DPP6: variants seen among roughly 807,000 people sequenced by gnomAD.
DPP6 encodes the protein dipeptidyl peptidase like 6.
A neutral mutation model predicts 122.6 loss-of-function variants in DPP6; 69 were observed. The ratio of observed to expected loss-of-function variants is 0.56; its 90% CI spans 0.46 to 0.69. The LOEUF is 0.69. DPP6 is among the 30% of genes least tolerant of loss of function. The pLI, the probability that DPP6 is intolerant of heterozygous loss-of-function variation, is 0.00. For synonymous variants in DPP6, 418 were observed against 433.1 expected, an observed-to-expected ratio of 0.97 and a Z score of 0.43; for missense variants, 928 against 1,116.9, an observed-to-expected ratio of 0.83 and a Z score of 2.41.
intron 1 of DPP6, among the ~76,000 whole-genome samples, chr7:154,222,938 A>T (rs1345554093): frequency 6.7e-6 from 1 of 148,880 alleles, no homozygotes; most frequent in Non-Finnish European, 1.5e-5. Flanking sequence ...GGTGTTCTTC[A>T]TGTAGGACCC....
chr7:153,874,834 C>G, the DPP6 span, among the ~76,000 whole-genome samples: 2 of 152,128 alleles, frequency 1.3e-5, no homozygotes, highest in African/African-American at 4.8e-5. Context: ...CAAAAAAATT[C>G]AATATCTGGT....
At chr7:154,667,903 A>C (rs950202429) in intron 6 of DPP6, among the ~76,000 whole-genome samples, 3 of 151,786 alleles carry the variant, frequency 2.0e-5, no homozygotes, top group Non-Finnish European at 4.4e-5. Context: ...GGCTTCTCCA[A>C]ACCCAGACAC....
chr7:154,495,402 TG>T lies in DPP6; in HGVS notation c.457+20366del, dbSNP rs796872679. On this transcript the variant is annotated intron_variant, in intron 3 of 25. Coordinates refer to ENST00000377770, the MANE Select transcript of DPP6 (RefSeq NM_130797.4). ...GGGTTTGTTGTGGTTTTTTTTTTTT[TG>T]TTGTTGTTGTTGTTTGAGACAGAGT... Among the ~76,000 whole-genome samples, 134 of 143,576 alleles carry T rather than the reference TG, an allele frequency of 9.3e-4. 1 individual carries two copies. The highest frequency in any genetic ancestry group is 2.9e-3 in the South Asian group (13 of 4,430). The allele number at this position is 143,576 out of a possible 152,430, so 94.2% of individuals were successfully genotyped here.
At chr7:154,769,592 C>A in intron 9 of DPP6, 21 bp downstream of exon 9, 1 of 1,559,762 alleles carries the variant, frequency 6.4e-7, no homozygotes, top group Non-Finnish European at 8.7e-7. Context: ...GGACACCGCA[C>A]AGCAAATTCT....
chr7:154,279,936 C>A (rs1804394775), intron 1 of DPP6, among the ~76,000 whole-genome samples: 1 of 152,132 alleles, frequency 6.6e-6, no homozygotes, highest in South Asian at 2.1e-4. Context: ...AAGGATATTA[C>A]ACCATAGTTT....
intron 6 of DPP6, among the ~76,000 whole-genome samples, chr7:154,664,936 A>G (rs1838053987): frequency 6.6e-6 from 1 of 152,178 alleles, no homozygotes; most frequent in South Asian, 2.1e-4. Flanking sequence ...TGGGTGCCAT[A>G]TTGTTAACTC....
the DPP6 span, among the ~76,000 whole-genome samples, chr7:153,824,700 T>TAAAAAA: frequency 7.4e-4 from 106 of 142,736 alleles, no homozygotes; most frequent in African/African-American, 2.5e-3. Context: ...AACATAAAAA[T>TAAAAAA]AAAAAAAAAA....
chr7:154,232,732 C>G (rs568924873), intron 1 of DPP6, among the ~76,000 whole-genome samples: 1 of 152,320 alleles, frequency 6.6e-6, no homozygotes, highest in South Asian at 2.1e-4. Context: ...ACCTGCGGAG[C>G]TCACATCAGG....
intron 20 of DPP6, 87 bp from the exon 21 acceptor site, chr7:154,880,801 G>A: frequency 6.2e-7 from 1 of 1,609,282 alleles, no homozygotes; most frequent in Non-Finnish European, 8.5e-7. Flanking sequence ...TCCTTGAAAT[G>A]GATGGAAAAC....
chr7:154,001,383 A>G (rs1797679765), intron 1 of DPP6, among the ~76,000 whole-genome samples: 3 of 146,896 alleles, frequency 2.0e-5, no homozygotes, highest in African/African-American at 7.6e-5. Context: ...TGTGGAGAGG[A>G]TAGGACTTGG....
chr7:153,799,094 G>C, the DPP6 span, among the ~76,000 whole-genome samples: 1 of 152,302 alleles, frequency 6.6e-6, no homozygotes, highest in East Asian at 1.9e-4. Context: ...CCGTGGACTG[G>C]TACTGGGGGT....
intron 3 of DPP6, among the ~76,000 whole-genome samples, chr7:154,535,833 C>T (rs1828209820): frequency 6.6e-6 from 1 of 152,116 alleles, no homozygotes; most frequent in African/African-American, 2.4e-5. Context: ...CCACTACACA[C>T]CTGCTAGAGT....
chr7:154,789,878 C>G (rs1797568954), intron 10 of DPP6, among the ~76,000 whole-genome samples: 1 of 152,176 alleles, frequency 6.6e-6, no homozygotes, highest in African/African-American at 2.4e-5. Flanking sequence ...CCCTCGTACA[C>G]CGACTTGATT....
At chr7:154,696,610 G>A (rs1840231635) in intron 7 of DPP6, among the ~76,000 whole-genome samples, 1 of 152,196 alleles carries the variant, frequency 6.6e-6, no homozygotes, top group Admixed American at 6.5e-5. Context: ...CTGCCAGCCT[G>A]GTCCCCATCC....
At chr7:154,786,917 G>T (rs1040933477) in intron 10 of DPP6, among the ~76,000 whole-genome samples, 1 of 152,148 alleles carries the variant, frequency 6.6e-6, no homozygotes, top group Non-Finnish European at 1.5e-5. Flanking sequence ...TTCTCTCTGA[G>T]GTTTCAGCTC....
At chr7:154,840,393 A>G (rs1250284601) in intron 16 of DPP6, among the ~76,000 whole-genome samples, 1 of 152,210 alleles carries the variant, frequency 6.6e-6, no homozygotes, top group East Asian at 1.9e-4. Context: ...ATCCACAGGA[A>G]GCGGAAGCCT....
chr7:153,770,538 A>G, the DPP6 span, among the ~76,000 whole-genome samples: 80 of 151,474 alleles, frequency 5.3e-4, no homozygotes, highest in African/African-American at 1.7e-3. Flanking sequence ...AAGGAGAAGG[A>G]AAAAAAAAGC....
At chr7:154,742,914 C>A (rs937443724) in intron 8 of DPP6, among the ~76,000 whole-genome samples, 8 of 151,544 alleles carry the variant, frequency 5.3e-5, no homozygotes, top group Non-Finnish European at 1.2e-4. Flanking sequence ...CCTCCTCCCC[C>A]AAAATGTTTA....
chr7:154,568,127 G>C (rs748036919), intron 5 of DPP6, among the ~76,000 whole-genome samples: 1 of 152,200 alleles, frequency 6.6e-6, no homozygotes, highest in Non-Finnish European at 1.5e-5. Flanking sequence ...TTGGGACTCT[G>C]CATTACCTAG....
Sources: gnomAD v4.1 joint callset for allele counts (sites outside exome capture counted in the v4.1 genomes callset) on GRCh38, gnomAD v4.1.1 for gene constraint, MANE v1.5 for transcripts, NCBI Gene and HGNC (gene_info 2026-07-23, HGNC 2026-07-21) for gene names.